The following PARVB variants were observed in gnomAD, a reference collection of about 807,000 sequenced individuals.
PARVB encodes parvin beta, also known as beta-parvin.
PARVB carries 46 observed loss-of-function variants against 47.0 expected under a neutral mutation model. That is an observed-to-expected ratio of 0.98 (90% CI 0.77 to 1.25). PARVB has a LOEUF of 1.25. PARVB is among the 50% of genes most tolerant of loss of function. PARVB has a pLI of 0.00. For missense variants in PARVB, 473 were observed against 471.6 expected, an observed-to-expected ratio of 1.00 and a Z score of -0.03; for synonymous variants, 196 against 196.3, an observed-to-expected ratio of 1.00 and a Z score of 0.01.
intron 3 of PARVB, among the ~76,000 whole-genome samples, chr22:44,118,025 T>A (rs2052950552): frequency 1.3e-5 from 2 of 152,098 alleles, no homozygotes; most frequent in African/African-American, 4.8e-5. Flanking sequence ...GTGAACTGAA[T>A]GGAAAATCTC....
intron 8 of PARVB, chr22:44,146,614 C>G (rs554727168): frequency 1.3e-5 from 2 of 152,344 alleles, no homozygotes; most frequent in Non-Finnish European, 2.9e-5. Context: ...GGAGGCTTGG[C>G]CAACTTCTCT....
At chr22:44,147,946 A>T in intron 9 of PARVB, 24 bp downstream of exon 9, 1 of 1,605,730 alleles carries the variant, frequency 6.2e-7, no homozygotes, top group East Asian at 2.2e-5. Flanking sequence ...GGGATGTTGG[A>T]TGTGCTCTCC....
Position 44,119,154 on chromosome 22 carries a change from A to C in PARVB, c.376+14A>C, listed in dbSNP as rs1413068328. ...AGAAGCTCTTGGGTGAGTTCACAGCAGGGACAGCTCTGTCCCACCCCCATC... is the reference window on the plus strand; with the variant it reads ...AGAAGCTCTTGGGTGAGTTCACAGCCGGGACAGCTCTGTCCCACCCCCATC... On this transcript the variant is annotated intron_variant, in intron 4 of 12. Transcript: ENST00000338758. The C allele has an allele frequency of 1.2e-5, 19 of 1,578,270 alleles. No individual in the cohort carries two copies. The highest frequency in any genetic ancestry group is 1.3e-5 in the Non-Finnish European group (15 of 1,147,730).
chr22:44,123,317 C>G (rs940779655), intron 4 of PARVB, among the ~76,000 whole-genome samples: 2 of 152,166 alleles, frequency 1.3e-5, no homozygotes, highest in Non-Finnish European at 2.9e-5. Flanking sequence ...GTGGGGGTAA[C>G]ACGCTGATCG....
intron 1 of PARVB, among the ~76,000 whole-genome samples, chr22:44,038,694 A>G (rs2050964307): frequency 6.6e-6 from 1 of 152,134 alleles, no homozygotes; most frequent in African/African-American, 2.4e-5. Context: ...AGGCAGGAGA[A>G]TAGCTTGAAC....
rs1032168767 is a variant in PARVB at position 44,125,460 on chromosome 22, G to A, written c.377-6027G>A. ...GGAGGAAAGTAATAGAAGGTTATGGGGTACAGTGGTGGGTGGGGGTTGGGG... is the reference window on the plus strand; with the variant it reads ...GGAGGAAAGTAATAGAAGGTTATGGAGTACAGTGGTGGGTGGGGGTTGGGG... On this transcript the variant is annotated intron_variant, in intron 4 of 12. Transcript: ENST00000338758. The surrounding 1 kb of genome is among the most constrained non-coding windows in gnomAD (Gnocchi z 4.1). Among the ~76,000 whole-genome samples the A allele has an allele frequency of 1.3e-5, 2 of 152,212 alleles. No homozygotes were observed. Among genetic ancestry groups the A allele is most frequent in the Admixed American group, 6.5e-5 (1 of 15,286 alleles).
intron 9 of PARVB, 30 bp from the exon 10 acceptor site, chr22:44,151,453 T>G (rs1601688125): frequency 1.3e-6 from 2 of 1,590,144 alleles, no homozygotes; most frequent in African/African-American, 2.7e-5. Context: ...GGGCCATTCA[T>G]GGCTCCTGTG....
intron 1 of PARVB, among the ~76,000 whole-genome samples, chr22:44,031,212 G>A (rs1163676353): frequency 2.0e-5 from 3 of 152,176 alleles, no homozygotes; most frequent in African/African-American, 7.2e-5. Flanking sequence ...ACCTTCATGG[G>A]AAACGCTCCT....
intron 11 of PARVB, chr22:44,162,775 G>T (rs988747091): frequency 1.3e-5 from 2 of 152,228 alleles, no homozygotes; most frequent in Non-Finnish European, 2.9e-5. Flanking sequence ...GCATCCCTCT[G>T]AGTGGTCTTT....
intron 1 of PARVB, among the ~76,000 whole-genome samples, chr22:44,063,869 C>T (rs1394221393): frequency 2.0e-5 from 3 of 152,086 alleles, no homozygotes; most frequent in African/African-American, 7.2e-5. Context: ...CAGTTCTGGC[C>T]GAGCCGATGT....
At chr22:44,034,129 GA>G (rs2050872727) in intron 1 of PARVB, among the ~76,000 whole-genome samples, 1 of 150,016 alleles carries the variant, frequency 6.7e-6, no homozygotes, top group Non-Finnish European at 1.5e-5. Flanking sequence ...TATGTATAAA[GA>G]ATATAAAGAA....
chr22:44,119,873 G>A (rs878984720), intron 4 of PARVB: 2 of 529,774 alleles, frequency 3.8e-6, no homozygotes, highest in South Asian at 1.4e-5. Context: ...TGGGGGTGGG[G>A]CGGCCTTGCA....
chr22:44,049,991 T>G lies in PARVB; in HGVS notation c.112+25540T>G, dbSNP rs1026949022. 6.6e-6 allele frequency among the ~76,000 whole-genome samples: 1 copy of G among 152,234 alleles called. No homozygotes were observed. The highest frequency in any genetic ancestry group is 1.5e-5 in the Non-Finnish European group (1 of 68,054). ...TATTGTGGGCATGTGGCTGCGGAAA[T>G]GTGCCTGCACCTGGACTCGCTGTCA... is the stretch of plus-strand genomic sequence containing the variant. On this transcript the variant is annotated intron_variant, in intron 1 of 12. Transcript: ENST00000338758. The surrounding 1 kb of genome is among the most constrained non-coding windows in gnomAD (Gnocchi z 4.0).
chr22:44,037,101 C>A (rs915005386), intron 1 of PARVB, among the ~76,000 whole-genome samples: 1 of 151,816 alleles, frequency 6.6e-6, no homozygotes, highest in African/African-American at 2.4e-5. Context: ...GCAGGAGGAT[C>A]GCTTGAGCCC....
chr22:44,036,120 G>C (rs1357228139), intron 1 of PARVB, among the ~76,000 whole-genome samples: 2 of 152,096 alleles, frequency 1.3e-5, no homozygotes, highest in African/African-American at 4.8e-5. Flanking sequence ...AACCAGGCGT[G>C]GTGGTGGGCA....
At chr22:44,081,302 G>A (rs2051893849) in intron 1 of PARVB, among the ~76,000 whole-genome samples, 3 of 152,150 alleles carry the variant, frequency 2.0e-5, no homozygotes, top group Admixed American at 2.0e-4. Context: ...CTCCGAAGCA[G>A]GCCGGGTCCT....
chr22:44,119,049 C>A lies in PARVB; in HGVS notation c.285C>A (p.Asp95Glu). 6.2e-7 allele frequency: 1 copy of A among 1,613,678 alleles called. No individual in the cohort carries two copies. The highest frequency in any genetic ancestry group is 8.5e-7 in the Non-Finnish European group (1 of 1,179,566). The change falls in exon 4 of 13, where the codon GAC (aspartate) becomes GAA (glutamate). Residue 95 changes from aspartate (D) to glutamate (E), a missense_variant. Asp to Glu is a conservative substitution (Grantham distance 45). Coordinates refer to ENST00000338758, the MANE Select transcript of PARVB (RefSeq NM_013327.5). ...KFKELVKVLL[D>E]WINDVLVEER... is the part of the protein sequence containing the mutation. ...TGCGTCTCCTGCAGGTCCTCCTCGA[C>A]TGGATTAATGACGTGCTGGTGGAGG...
intron 1 of PARVB, among the ~76,000 whole-genome samples, chr22:44,032,970 G>A (rs1003803146): frequency 2.1e-4 from 32 of 152,298 alleles, no homozygotes; most frequent in African/African-American, 5.8e-4. Flanking sequence ...ATTGAGTGCC[G>A]TGCAACAGCT....
At chr22:44,087,982 G>A (rs1305387877) in intron 1 of PARVB, among the ~76,000 whole-genome samples, 2 of 151,786 alleles carry the variant, frequency 1.3e-5, no homozygotes, top group East Asian at 1.9e-4. Context: ...GCATGCTGGC[G>A]ACTGTGCCGA....
Sources: allele counts gnomAD v4.1 joint callset (sites outside exome capture counted in the v4.1 genomes callset), GRCh38; gene constraint gnomAD v4.1.1; non-coding constraint Gnocchi (gnomAD v3.1); transcripts MANE v1.5; gene names NCBI Gene and HGNC (gene_info 2026-07-23, HGNC 2026-07-21).